GALNT13: variants seen among roughly 807,000 people sequenced by gnomAD.
GALNT13 encodes the protein UDP-GalNAc:polypeptide N-acetylgalactosaminyltransferase 13.
A neutral mutation model predicts 64.2 loss-of-function variants in GALNT13; 28 were observed. That is an observed-to-expected ratio of 0.44 (90% confidence interval 0.32 to 0.60). The LOEUF is 0.60. GALNT13 is among the 20% of genes least tolerant of loss of function. The pLI is 0.05. For synonymous variants in GALNT13, 214 were observed against 224.6 expected, an observed-to-expected ratio of 0.95 and a Z score of 0.42; for missense variants, 577 against 669.8, an observed-to-expected ratio of 0.86 and a Z score of 1.53.
intron 1 of GALNT13, among the ~76,000 whole-genome samples, chr2:153,888,464 A>G (rs985268074): frequency 5.9e-5 from 9 of 151,946 alleles, no homozygotes; most frequent in African/African-American, 1.7e-4. Context: ...CAAGTAAATA[A>G]ATTATTTTTA....
At chr2:154,237,843 A>G (rs1046163484) in intron 4 of GALNT13, among the ~76,000 whole-genome samples, 2 of 152,048 alleles carry the variant, frequency 1.3e-5, no homozygotes, top group East Asian at 1.9e-4. Context: ...ATTATTGTTC[A>G]ATATTAGAAC....
chr2:153,876,563 C>T (rs1686394705), intron 1 of GALNT13, among the ~76,000 whole-genome samples: 1 of 152,044 alleles, frequency 6.6e-6, no homozygotes, highest in Admixed American at 6.6e-5. Flanking sequence ...AGACTTTAAT[C>T]ACTTGATATT....
chr2:153,438,018 C>G, the GALNT13 span, among the ~76,000 whole-genome samples: 65 of 152,284 alleles, frequency 4.3e-4, no homozygotes, highest in Admixed American at 5.2e-4. Flanking sequence ...TAGGGCAGGC[C>G]TGGTGGTGAC....
At chr2:154,142,838 G>GTGTA (rs1683340247) in intron 4 of GALNT13, among the ~76,000 whole-genome samples, 1 of 144,138 alleles carries the variant, frequency 6.9e-6, no homozygotes, top group African/African-American at 2.5e-5. Context: ...GTGTGTGTGT[G>GTGTA]TATATATATA....
chr2:154,238,077 T>C (rs574043462), intron 4 of GALNT13, among the ~76,000 whole-genome samples: 1 of 152,114 alleles, frequency 6.6e-6, no homozygotes, highest in East Asian at 1.9e-4. Flanking sequence ...CATGAGTTCA[T>C]ACCAGATCTA....
the GALNT13 span, among the ~76,000 whole-genome samples, chr2:153,750,847 C>T: frequency 1.3e-4 from 19 of 151,000 alleles, no homozygotes; most frequent in Admixed American, 5.9e-4. Context: ...TTATTTTCTT[C>T]TAATTTTGGG....
chr2:153,511,672 A>G, the GALNT13 span, among the ~76,000 whole-genome samples: 1 of 152,236 alleles, frequency 6.6e-6, no homozygotes. Flanking sequence ...ACAAGTTCAG[A>G]ATAAATGAAG....
At chr2:153,850,746 T>C in the GALNT13 span, among the ~76,000 whole-genome samples, 1 of 152,270 alleles carries the variant, frequency 6.6e-6, no homozygotes, top group African/African-American at 2.4e-5. Context: ...AAGCTAAAAG[T>C]TCTGGGATGA....
At chr2:153,494,818 G>A in the GALNT13 span, among the ~76,000 whole-genome samples, 3 of 152,062 alleles carry the variant, frequency 2.0e-5, no homozygotes, top group Admixed American at 6.5e-5. Flanking sequence ...AAAGAAGTAA[G>A]CCACATAGTA....
At chr2:153,992,430 G>T (rs1258255429) in intron 3 of GALNT13, among the ~76,000 whole-genome samples, 1 of 152,082 alleles carries the variant, frequency 6.6e-6, no homozygotes, top group East Asian at 1.9e-4. Flanking sequence ...AATGCATGTT[G>T]GCACTTTACT....
the GALNT13 span, among the ~76,000 whole-genome samples, chr2:153,333,645 T>C: frequency 1.3e-5 from 2 of 152,220 alleles, no homozygotes; most frequent in Non-Finnish European, 2.9e-5. Context: ...GAAGATGAGA[T>C]ATTTTCCACA....
rs577522675 is a variant in GALNT13, at chr2:154,311,698, G to A, written c.1156+10109G>A. 4.3e-3 allele frequency among the ~76,000 whole-genome samples: 651 copies of A among 152,250 alleles called. 2 individuals carry two copies. Among genetic ancestry groups the A allele is most frequent in the Non-Finnish European group, 5.9e-3 (403 of 68,030 alleles). ...TCCTCTTCCTAATAAGCCTGGGAGC[G>A]CTATGGGAGACTGGAGTTTATTTCA... is the stretch of plus-strand genomic sequence containing the variant. On this transcript the variant is annotated intron_variant, in intron 9 of 12. Transcript: ENST00000392825.
In GALNT13 at chr2:154,385,143, T is replaced by C. The variant is rs1698450586; in HGVS notation, c.1157-10848T>C. On this transcript the variant is annotated intron_variant, in intron 9 of 12. Transcript: ENST00000392825. ...TGGCATATAACTGAAGAAACAGTTA[T>C]ATCTAACTAGCTTCCTGCAGCACTA... is the stretch of plus-strand genomic sequence containing the variant. 2.6e-5 allele frequency among the ~76,000 whole-genome samples: 4 copies of C among 152,114 alleles called. No individual in the cohort carries two copies. In the South Asian group the frequency reaches 8.3e-4, roughly 31 times the overall value.
chr2:153,300,026 A>T, the GALNT13 span, among the ~76,000 whole-genome samples: 6 of 152,158 alleles, frequency 3.9e-5, no homozygotes, highest in African/African-American at 1.4e-4. Context: ...CCTGGATTCC[A>T]CAGCTGTTCT....
At chr2:153,553,808 A>G in the GALNT13 span, among the ~76,000 whole-genome samples, 1 of 152,110 alleles carries the variant, frequency 6.6e-6, no homozygotes, top group Admixed American at 6.5e-5. Context: ...CAGGAGAGAA[A>G]TAGACTTCAG....
At chr2:153,564,202 AT>A in the GALNT13 span, among the ~76,000 whole-genome samples, 421 of 146,334 alleles carry the variant, frequency 2.9e-3, 1 homozygote, top group African/African-American at 0.011. Flanking sequence ...TTATATATAT[AT>A]TTTTTTTACT....
intron 2 of GALNT13, among the ~76,000 whole-genome samples, chr2:153,931,163 T>C (rs1690491254): frequency 6.7e-6 from 1 of 150,372 alleles, no homozygotes; most frequent in Admixed American, 6.7e-5. Context: ...TATTGGTGCA[T>C]AAAAATGCTA....
the GALNT13 span, among the ~76,000 whole-genome samples, chr2:153,203,355 A>G: frequency 6.6e-6 from 1 of 152,192 alleles, no homozygotes; most frequent in South Asian, 2.1e-4. Flanking sequence ...AAGCAATATA[A>G]CCTAAAGCAA....
intron 3 of GALNT13, among the ~76,000 whole-genome samples, chr2:154,007,216 G>T (rs60734365): frequency 0.18 from 27,378 of 151,268 alleles, 4,714 homozygotes; most frequent in East Asian, 0.74. Context: ...TTTGTGAGCA[G>T]CTGTCAACTG....
Sources: allele counts gnomAD v4.1 joint callset (sites outside exome capture counted in the v4.1 genomes callset), GRCh38; gene constraint gnomAD v4.1.1; transcripts MANE v1.5; gene names NCBI Gene and HGNC (gene_info 2026-07-23, HGNC 2026-07-21).